The following SLC17A9 variants were observed in gnomAD, a reference collection of about 807,000 sequenced individuals.
The protein encoded by SLC17A9 is voltage-gated purine nucleotide uniporter SLC17A9.
A neutral mutation model predicts 55.0 loss-of-function variants in SLC17A9; 49 were observed. The ratio of observed to expected loss-of-function variants is 0.89; its 90% CI spans 0.71 to 1.13. The LOEUF (loss-of-function observed/expected upper bound fraction) is 1.13. SLC17A9 is among the 50% of genes most tolerant of loss of function. SLC17A9 has a pLI of 0.00. For synonymous variants in SLC17A9, 256 were observed against 247.4 expected (o/e 1.03, Z -0.32); for missense variants, 526 against 569.3 (o/e 0.92, Z 0.77).
At chr20:62,953,166 C>T (rs1470655388) in intron 1 of SLC17A9, 2 of 1,540,202 alleles carry the variant, frequency 1.3e-6, no homozygotes, top group East Asian at 2.5e-5. Context: ...GTTCCCCAGG[C>T]CAGGGGCATT....
At chr20:62,953,499 G>A (rs1382235837) in intron 1 of SLC17A9, among the ~76,000 whole-genome samples, 1 of 152,222 alleles carries the variant, frequency 6.6e-6, no homozygotes, top group Non-Finnish European at 1.5e-5. Context: ...TGGTGACCGC[G>A]GGCCATTGGT....
intron 1 of SLC17A9, chr20:62,953,413 G>GACCTGCC: frequency 9.4e-7 from 1 of 1,061,118 alleles, no homozygotes; most frequent in Non-Finnish European, 1.4e-6. Flanking sequence ...CAGGGCCTGG[G>GACCTGCC]CAGGTCGCCT....
intron 12 of SLC17A9, 42 bp from the exon 13 acceptor site, chr20:62,967,295 C>A: frequency 6.2e-7 from 1 of 1,607,742 alleles, no homozygotes; most frequent in South Asian, 1.1e-5. Flanking sequence ...GGGGCCTGGG[C>A]TGCCCGGGAG....
intron 1 of SLC17A9, 28 bp from the exon 2 acceptor site, chr20:62,956,737 C>A (rs1246928716): frequency 1.3e-6 from 2 of 1,599,852 alleles, no homozygotes; most frequent in Admixed American, 3.4e-5. Flanking sequence ...GGGGCCTCCC[C>A]AGGGCCTGAC....
rs531743570 is a variant in SLC17A9 at position 62,958,139 on chromosome 20, G to A, written c.397+559G>A. On this transcript the variant is annotated intron_variant, in intron 3 of 12. Transcript: ENST00000370351. The surrounding 1 kb of genome is among the most constrained non-coding windows in gnomAD (Gnocchi z 4.1). The stretch of plus-strand genomic sequence containing the variant: ...TATGCGTGCCCATATGCGTGTGTAC[G>A]TGCGTGAGTGTGCCCGTATGAGGGT... Among the ~76,000 whole-genome samples the A allele has an allele frequency of 1.4e-4, 22 of 152,270 alleles. No homozygotes were observed. The highest frequency in any genetic ancestry group is 4.8e-4 in the African/African-American group (20 of 41,554).
At chr20:62,959,141 A>T (rs958009902) in intron 3 of SLC17A9, among the ~76,000 whole-genome samples, 1 of 152,112 alleles carries the variant, frequency 6.6e-6, no homozygotes, top group Non-Finnish European at 1.5e-5. Flanking sequence ...GGAGGGTCCC[A>T]AGGCTGAAGC....
In SLC17A9 at chr20:62,952,742, T is replaced by C; in HGVS notation, c.-89T>C. 2.2e-6 allele frequency: 3 copies of C among 1,348,988 alleles called. No individual in the cohort carries two copies. Among genetic ancestry groups the C allele is most frequent in the Non-Finnish European group, 3.0e-6 (3 of 1,006,728 alleles). The allele number at this position is 1,348,988 out of a possible 1,614,324, so 83.6% of individuals were successfully genotyped here. A position where few individuals can be genotyped will look rare whatever the true frequency, so the allele number is the denominator to read the frequency against. ...GCGCGCTGGGACTGACACGTGGACT[T>C]GGGCGGTGCTGCCCGGGTGGGTCAG... On this transcript the variant is annotated 5_prime_UTR_variant, in exon 1 of 13. Transcript: ENST00000370351.
chr20:62,965,610 G>T lies in SLC17A9; in HGVS notation c.946G>T (p.Gly316Cys). 1 of 1,612,246 alleles carries T rather than the reference G, an allele frequency of 6.2e-7. No homozygotes were observed. The change falls in exon 10 of 13, where the codon GGC (glycine) becomes TGC (cysteine). Residue 316 changes from glycine to cysteine, a missense_variant and splice_region_variant. Coordinates refer to ENST00000370351, the MANE Select transcript of SLC17A9 (RefSeq NM_022082.4). ...RAITVRKLMQ[G>C]MGLGLSSVFA... ...CCGTCACGGTGGCGCTTTCCTGCAG[G>T]GCATGGGCCTTGGCCTCTCCAGCGT...
At chr20:62,960,046 C>A (rs977339844) in intron 3 of SLC17A9, among the ~76,000 whole-genome samples, 12 of 152,226 alleles carry the variant, frequency 7.9e-5, no homozygotes, top group African/African-American at 2.9e-4. Context: ...TGCACGCATG[C>A]GGCAGGTGTC....
At chr20:62,966,628 G>A in intron 11 of SLC17A9, 48 bp downstream of exon 11, 1 of 1,613,924 alleles carries the variant, frequency 6.2e-7, no homozygotes, top group South Asian at 1.1e-5. Flanking sequence ...GGGCCTCCGG[G>A]TGGGTGAGCC....
rs778463615 is a variant in SLC17A9, at chr20:62,966,567, C to T, written c.1104C>T (p.Ala368=). The T allele has an allele frequency of 4.5e-5, 72 of 1,606,130 alleles. No individual in the cohort carries two copies. The East Asian group carries it at 7.0e-4, about 16-fold the overall frequency. Residue 368 remains alanine (A), a synonymous_variant, in exon 11 of 13, where the codon GCC becomes GCT. Transcript: ENST00000370351. ...TCCAGGACTTGGCCCCGTCCTGCGC[C>T]GGCTTTCTGTTTGGTGAGGACCTTG... ...VNIQDLAPSC[A]GFLFGVANTA... is the part of the protein sequence containing the mutation.
At chr20:62,954,774 C>T (rs994832412) in intron 1 of SLC17A9, among the ~76,000 whole-genome samples, 1 of 152,238 alleles carries the variant, frequency 6.6e-6, no homozygotes, top group Non-Finnish European at 1.5e-5. Flanking sequence ...CCACGTAGGG[C>T]AGATTGCTTG....
chr20:62,957,277 T>G (rs1427539501), intron 2 of SLC17A9, 164 bp from the exon 3 acceptor site: 1 of 985,214 alleles, frequency 1.0e-6, no homozygotes, highest in Non-Finnish European at 1.2e-6. Context: ...TCCCCTGGAG[T>G]ACCTGGTCTC....
At position 62,957,523 on chromosome 20, in the gene SLC17A9, A is replaced by G; in HGVS notation, c.340A>G (p.Ser114Gly). The change falls in exon 3 of 13, where the codon AGC becomes GGC. Residue 114 changes from serine to glycine, a missense_variant. Coordinates refer to ENST00000370351, the MANE Select transcript of SLC17A9 (RefSeq NM_022082.4). The part of the protein sequence containing the change: ...TAVTPLLAHL[S>G]SAHLAFMTFS... Reference sequence around the variant, plus strand: ...CGTCACCCCACTGCTCGCCCACCTGAGCAGTGCCCACCTGGCCTTCATGAC... The same window carrying G: ...CGTCACCCCACTGCTCGCCCACCTGGGCAGTGCCCACCTGGCCTTCATGAC... 1.2e-6 allele frequency: 2 copies of G among 1,609,170 alleles called. No individual in the cohort carries two copies. The highest frequency in any genetic ancestry group is 2.3e-5 in the East Asian group (1 of 44,428).
chr20:62,967,391 C>T lies in SLC17A9; in HGVS notation c.1202C>T (p.Thr401Ile). ...TTGATGGAGACCACGGGCTCCTGGA[C>T]TTGCCTGTTCAACCTTGTGGCCATC... The part of the protein sequence containing the change: ...GYLMETTGSW[T>I]CLFNLVAIIS... The change falls in exon 13 of 13, where the codon ACT (threonine) becomes ATT (isoleucine). Residue 401 changes from threonine to isoleucine, a missense_variant. Physicochemically the swap from Thr to Ile is moderately conservative, Grantham distance 89. Transcript: ENST00000370351. 1 of 1,614,182 alleles carries T rather than the reference C, an allele frequency of 6.2e-7. No homozygotes were observed. Among genetic ancestry groups the T allele is most frequent in the Non-Finnish European group, 8.5e-7 (1 of 1,180,024 alleles).
intron 3 of SLC17A9, among the ~76,000 whole-genome samples, 155 bp downstream of exon 3, chr20:62,957,735 T>A (rs2065550359): frequency 6.7e-6 from 1 of 149,632 alleles, no homozygotes; most frequent in Non-Finnish European, 1.5e-5. Flanking sequence ...TGCACCTGTG[T>A]GTGTGTGCGT....
intron 3 of SLC17A9, among the ~76,000 whole-genome samples, chr20:62,959,482 T>G (rs1041728979): frequency 1.3e-5 from 2 of 152,328 alleles, no homozygotes; most frequent in African/African-American, 4.8e-5. Flanking sequence ...GTGGTAACGG[T>G]GGGCACCACC....
At chr20:62,960,648 AGCCCCTTGCCGAGTG>A in intron 4 of SLC17A9, 45 bp downstream of exon 4, 1 of 1,564,788 alleles carries the variant, frequency 6.4e-7, no homozygotes, top group Non-Finnish European at 8.7e-7. Context: ...CCACCAGGTG[AGCCCCTTGCCGAGTG>A]GCCCCTGGTC....
At chr20:62,953,079 C>A in intron 1 of SLC17A9, 190 bp downstream of exon 1, 1 of 1,257,032 alleles carries the variant, frequency 8.0e-7, no homozygotes, top group Non-Finnish European at 1.1e-6. Context: ...TTCCTCCCTG[C>A]CATGAGATTC....
Sources: allele counts gnomAD v4.1 joint callset (sites outside exome capture counted in the v4.1 genomes callset), GRCh38; gene constraint gnomAD v4.1.1; non-coding constraint Gnocchi (gnomAD v3.1); transcripts MANE v1.5; gene names NCBI Gene and HGNC (gene_info 2026-07-23, HGNC 2026-07-21).